EYS: variants seen among roughly 807,000 people sequenced by gnomAD.
EYS encodes EGF-like photoreceptor maintenance factor.
Under a neutral mutation model 282.1 loss-of-function variants are expected in EYS, and 250 were observed. That is an observed-to-expected ratio of 0.89 (90% confidence interval 0.80 to 0.98). EYS has a LOEUF of 0.98. Ranked by LOEUF, EYS falls within the 50% of genes least tolerant of loss-of-function variation. EYS has a pLI of 0.00. For missense variants in EYS, 4,016 were observed against 3,709.0 expected, an observed-to-expected ratio of 1.08 and a Z score of -2.15; for synonymous variants, 1,355 against 1,282.9, an observed-to-expected ratio of 1.06 and a Z score of -1.20.
chr6:63,856,777 C>T (rs971688529), intron 36 of EYS, among the ~76,000 whole-genome samples: 1 of 152,136 alleles, frequency 6.6e-6, no homozygotes, highest in African/African-American at 2.4e-5. Flanking sequence ...AATTTTAACA[C>T]AGTTTCACTG....
At position 63,721,389 on chromosome 6, in the gene EYS, T is replaced by C. The variant is rs543607208; in HGVS notation, c.8642A>G (p.Tyr2881Cys). 6.4e-7 allele frequency: 1 copy of C among 1,551,752 alleles called. No individual in the cohort carries two copies. Among genetic ancestry groups the C allele is most frequent in the East Asian group, 2.4e-5 (1 of 40,922 alleles). The change falls in exon 43 of 43, where the codon TAC (tyrosine) becomes TGC (cysteine). Residue 2881 changes from tyrosine to cysteine, a missense_variant. By Grantham distance (194) the Tyr-to-Cys change is radical. Transcript: ENST00000503581. ...TTCACCTCCATTTCTGCATGTGTTG[T>C]ACCCACAGGCTGTCCCATCACAGTC... The part of the protein sequence containing the change: ...VGDCDGTACG[Y>C]NTCRNGGECT...
At chr6:64,989,352 C>T (rs1770969615) in intron 14 of EYS, among the ~76,000 whole-genome samples, 2 of 129,312 alleles carry the variant, frequency 1.5e-5, no homozygotes, top group South Asian at 2.4e-4. Context: ...AATCAAGGTT[C>T]TTCATCAATT....
chr6:63,787,876 T>C (rs769018368), intron 39 of EYS, among the ~76,000 whole-genome samples: 3 of 151,968 alleles, frequency 2.0e-5, no homozygotes, highest in Non-Finnish European at 2.9e-5. Context: ...GAGGCAGAGG[T>C]TGTGGTGAGC....
At chr6:64,628,632 G>T (rs1223367978) in intron 22 of EYS, among the ~76,000 whole-genome samples, 2 of 152,002 alleles carry the variant, frequency 1.3e-5, no homozygotes, top group Admixed American at 6.6e-5. Context: ...ACACAAAATG[G>T]GTCATGCTAT....
At chr6:65,435,924 G>A (rs1768059387) in intron 5 of EYS, among the ~76,000 whole-genome samples, 1 of 152,042 alleles carries the variant, frequency 6.6e-6, no homozygotes, top group South Asian at 2.1e-4. Context: ...AAACAGAGAG[G>A]CCTATGAAGA....
At chr6:64,931,373 T>C (rs1056249557) in intron 15 of EYS, among the ~76,000 whole-genome samples, 2 of 152,126 alleles carry the variant, frequency 1.3e-5, no homozygotes, top group African/African-American at 4.8e-5. Context: ...TTAAATAGGA[T>C]ATTCATGTAT....
At chr6:64,270,205 G>A (rs1364942533) in intron 30 of EYS, among the ~76,000 whole-genome samples, 12 of 151,902 alleles carry the variant, frequency 7.9e-5, no homozygotes, top group Admixed American at 7.9e-4. Context: ...TCTGTTTTTG[G>A]TTCACTGCAG....
chr6:65,300,693 C>T (rs1768795084), intron 11 of EYS, among the ~76,000 whole-genome samples: 1 of 152,142 alleles, frequency 6.6e-6, no homozygotes, highest in African/African-American at 2.4e-5. Context: ...GACTTTATTG[C>T]ACTGTGATCA....
intron 31 of EYS, among the ~76,000 whole-genome samples, chr6:64,174,588 C>T (rs1385260972): frequency 6.6e-6 from 1 of 151,386 alleles, no homozygotes. Flanking sequence ...ATATTATAAT[C>T]ATTTTTATAA....
chr6:65,608,528 C>T (rs997590079), intron 2 of EYS, among the ~76,000 whole-genome samples: 11 of 151,916 alleles, frequency 7.2e-5, no homozygotes, highest in African/African-American at 2.7e-4. Flanking sequence ...GGCTACACTA[C>T]ATTTACTAAA....
intron 36 of EYS, among the ~76,000 whole-genome samples, chr6:63,833,818 G>C (rs1764071341): frequency 6.6e-6 from 1 of 152,090 alleles, no homozygotes. Flanking sequence ...TATACTACAA[G>C]GCTACAGTAA....
intron 39 of EYS, among the ~76,000 whole-genome samples, chr6:63,784,989 C>T (rs780072299): frequency 6.6e-6 from 1 of 152,102 alleles, no homozygotes; most frequent in Non-Finnish European, 1.5e-5. Context: ...CATTAAAATA[C>T]ATATTACTGG....
intron 5 of EYS, among the ~76,000 whole-genome samples, chr6:65,476,350 A>G (rs16896707): frequency 0.025 from 3,879 of 152,288 alleles, 172 homozygotes; most frequent in African/African-American, 0.089. Context: ...TAAAGGACAG[A>G]AAAAGGTATT....
intron 28 of EYS, among the ~76,000 whole-genome samples, chr6:64,403,335 C>A (rs1048730021): frequency 1.3e-5 from 2 of 151,916 alleles, no homozygotes; most frequent in African/African-American, 4.8e-5. Context: ...TTTTCTTAAT[C>A]ATTAAAAGGA....
intron 36 of EYS, chr6:63,857,610 C>T: frequency 1.2e-5 from 5 of 416,348 alleles, no homozygotes; most frequent in Non-Finnish European, 2.5e-5. Flanking sequence ...GTGATGGGGT[C>T]CACGTGTGCT....
At chr6:65,622,741 T>C (rs918990140) in intron 2 of EYS, among the ~76,000 whole-genome samples, 6 of 148,304 alleles carry the variant, frequency 4.0e-5, no homozygotes, top group African/African-American at 7.4e-5. Context: ...TCTTACTATA[T>C]AGGAATAATC....
intron 22 of EYS, among the ~76,000 whole-genome samples, chr6:64,682,359 C>T (rs1185000280): frequency 2.0e-5 from 3 of 151,996 alleles, no homozygotes; most frequent in African/African-American, 7.2e-5. Flanking sequence ...CAGAGGGAGA[C>T]TCCATCTCAA....
chr6:64,281,302 G>T (rs1156406053), intron 30 of EYS, among the ~76,000 whole-genome samples: 6 of 152,032 alleles, frequency 3.9e-5, no homozygotes, highest in African/African-American at 9.7e-5. Context: ...GTGACCACTT[G>T]TATCTTATTA....
At chr6:64,473,575 A>G (rs972592798) in intron 26 of EYS, among the ~76,000 whole-genome samples, 5 of 152,198 alleles carry the variant, frequency 3.3e-5, no homozygotes, top group African/African-American at 1.2e-4. Flanking sequence ...GATAAATACA[A>G]TTATGTCAGT....
Sources: allele counts gnomAD v4.1 joint callset (sites outside exome capture counted in the v4.1 genomes callset), GRCh38; gene constraint gnomAD v4.1.1; transcripts MANE v1.5; gene names NCBI Gene and HGNC (gene_info 2026-07-23, HGNC 2026-07-21).